The following GRIN2A variants were observed in gnomAD, a reference collection of about 807,000 sequenced individuals.
The protein encoded by GRIN2A is glutamate receptor ionotropic, NMDA 2A.
Under a neutral mutation model 113.4 loss-of-function variants are expected in GRIN2A, and 22 were observed. The observed-to-expected ratio is 0.19, with a 90% CI of 0.14 to 0.28. The LOEUF is 0.28. GRIN2A is among the 10% of genes least tolerant of loss of function. The pLI, the probability that GRIN2A is intolerant of heterozygous loss-of-function variation, is 1.00. For synonymous variants in GRIN2A, 827 were observed against 738.4 expected (o/e 1.12, Z -1.94); for missense variants, 1,502 against 1,887.0 (o/e 0.80, Z 3.78).
intron 4 of GRIN2A, among the ~76,000 whole-genome samples, chr16:9,856,164 G>A (rs2042963744): frequency 6.6e-6 from 1 of 152,162 alleles, no homozygotes; most frequent in South Asian, 2.1e-4. Context: ...GCATGATGAG[G>A]AAACCAGGGC....
At chr16:10,048,960 C>G (rs560939798) in intron 2 of GRIN2A, among the ~76,000 whole-genome samples, 1 of 152,318 alleles carries the variant, frequency 6.6e-6, no homozygotes, top group East Asian at 1.9e-4. Flanking sequence ...TCTCTGGCCC[C>G]AGCCCCTGCC....
chr16:9,817,057 T>C (rs2042199363), intron 10 of GRIN2A, among the ~76,000 whole-genome samples: 1 of 152,222 alleles, frequency 6.6e-6, no homozygotes, highest in South Asian at 2.1e-4. Flanking sequence ...CCATTTATTA[T>C]GAATTTCAAT....
At chr16:10,145,178 C>T (rs1416986242) in intron 2 of GRIN2A, among the ~76,000 whole-genome samples, 1 of 151,878 alleles carries the variant, frequency 6.6e-6, no homozygotes, top group Non-Finnish European at 1.5e-5. Context: ...GGGTTGGGGG[C>T]ATAGGGAAAT....
rs74573376 is a variant in GRIN2A, at chr16:10,059,958, T to C, written c.414+120040A>G. Among the ~76,000 whole-genome samples, 517 of 148,006 alleles carry C rather than the reference T, an allele frequency of 3.5e-3. 5 individuals are homozygous for C. The highest frequency in any genetic ancestry group is 0.012 in the African/African-American group (498 of 41,272). ...GGAAAAGAGGAAGCCATTAATATCC[T>C]AGGGATGGAGGAAAAGGGGGATGCA... On this transcript the variant is annotated intron_variant, in intron 2 of 12. Coordinates refer to ENST00000330684, the MANE Select transcript of GRIN2A (RefSeq NM_001134407.3).
chr16:9,994,104 G>T (rs3848326), intron 2 of GRIN2A, among the ~76,000 whole-genome samples: 3,641 of 152,210 alleles, frequency 0.024, 55 homozygotes, highest in Middle Eastern at 0.078. Flanking sequence ...TGGCACAAAC[G>T]CTCGGAAGTA....
chr16:10,181,482 G>C (rs2050271375), intron 1 of GRIN2A: 1 of 152,358 alleles, frequency 6.6e-6, no homozygotes, highest in African/African-American at 2.4e-5. Flanking sequence ...GCTTTTCTGC[G>C]CACTTCCTCA....
Position 9,756,352 on chromosome 16 carries a change from C to G in GRIN2A, c.*6797G>C, listed in dbSNP as rs1403000998. 4.3e-6 allele frequency: 1 copy of G among 230,160 alleles called. No homozygotes were observed. Among genetic ancestry groups the G allele is most frequent in the African/African-American group, 2.2e-5 (1 of 45,162 alleles). 14.3% of individuals were successfully genotyped at this position (230,160 alleles called of 1,614,324 possible). ...AACAGTGTTCAAGTCTCAGAAGGAA[C>G]TATGAACAGAGGTGAGATCCCCAGA... On this transcript the variant is annotated 3_prime_UTR_variant, in exon 13 of 13. Transcript: ENST00000330684.
At position 9,754,174 on chromosome 16, in the gene GRIN2A, A is replaced by T. The variant is rs1236238335; in HGVS notation, c.*8975T>A. Reference sequence around the variant, plus strand: ...AAATATATATACTATACATAAACATATACACATAAACATTCTGGGGTGATA... The same window carrying T: ...AAATATATATACTATACATAAACATTTACACATAAACATTCTGGGGTGATA... On this transcript the variant is annotated 3_prime_UTR_variant, in exon 13 of 13. Transcript: ENST00000330684. 5.3e-6 allele frequency: 1 copy of T among 187,056 alleles called. No individual in the cohort carries two copies. Among genetic ancestry groups the T allele is most frequent in the African/African-American group, 2.3e-5 (1 of 42,822 alleles). 11.6% of individuals were successfully genotyped at this position (187,056 alleles called of 1,614,324 possible). A position where few individuals can be genotyped will look rare whatever the true frequency, so the allele number is the denominator to read the frequency against.
intron 9 of GRIN2A, among the ~76,000 whole-genome samples, chr16:9,828,890 A>G (rs564269569): frequency 6.6e-6 from 1 of 152,340 alleles, no homozygotes; most frequent in Non-Finnish European, 1.5e-5. Flanking sequence ...TGTGCCTTGA[A>G]GACATTTCAG....
chr16:10,181,218 C>G (rs1394641766), intron 1 of GRIN2A, among the ~76,000 whole-genome samples: 1 of 107,110 alleles, frequency 9.3e-6, no homozygotes, highest in Non-Finnish European at 2.0e-5. Context: ...CACGCACACA[C>G]ACATGTTCAC....
chr16:10,024,141 A>G (rs2046775372), intron 2 of GRIN2A, among the ~76,000 whole-genome samples: 2 of 152,222 alleles, frequency 1.3e-5, no homozygotes, highest in South Asian at 2.1e-4. Flanking sequence ...TGAGGCTTCT[A>G]TCAGCTATCT....
chr16:10,054,407 G>C (rs2047410872), intron 2 of GRIN2A, among the ~76,000 whole-genome samples: 1 of 152,238 alleles, frequency 6.6e-6, no homozygotes, highest in Non-Finnish European at 1.5e-5. Flanking sequence ...AAGATTTAAA[G>C]AGATATAAGA....
At chr16:10,058,624 T>C (rs547594064) in intron 2 of GRIN2A, among the ~76,000 whole-genome samples, 2 of 152,348 alleles carry the variant, frequency 1.3e-5, no homozygotes, top group African/African-American at 4.8e-5. Context: ...TTGTTAGAGG[T>C]AAGTAAAAAT....
chr16:9,991,869 T>C (rs1481799665), intron 2 of GRIN2A, among the ~76,000 whole-genome samples: 4 of 151,650 alleles, frequency 2.6e-5, no homozygotes, highest in South Asian at 2.1e-4. Context: ...ATGGACACAG[T>C]GAGGGGAAGA....
rs2043048141 is a variant in GRIN2A at position 9,860,478 on chromosome 16, C to T, written c.1123-10517G>A. Among the ~76,000 whole-genome samples, 3 of 138,508 alleles carry T rather than the reference C, an allele frequency of 2.2e-5. No individual in the cohort carries two copies. In the South Asian group the frequency reaches 6.8e-4, roughly 32 times the overall value. The allele number at this position is 138,508 out of a possible 152,430, so 90.9% of individuals were successfully genotyped here. A position where few individuals can be genotyped will look rare whatever the true frequency, so the allele number is the denominator to read the frequency against. On this transcript the variant is annotated intron_variant, in intron 4 of 12. Transcript: ENST00000330684. ...AAAAAAAAAAAAAAAAAAGAAAGACCAAGGGAGTTAGTAGGTTGCCTGTTA... is the reference window on the plus strand; with the variant it reads ...AAAAAAAAAAAAAAAAAAGAAAGACTAAGGGAGTTAGTAGGTTGCCTGTTA...
chr16:9,967,291 G>C (rs1471304252), intron 2 of GRIN2A, among the ~76,000 whole-genome samples: 1 of 152,234 alleles, frequency 6.6e-6, no homozygotes, highest in Non-Finnish European at 1.5e-5. Context: ...ATGTCTTGCA[G>C]CAACTTAGAT....
intron 3 of GRIN2A, among the ~76,000 whole-genome samples, chr16:9,921,673 T>C (rs2141583240): frequency 6.6e-6 from 1 of 152,320 alleles, no homozygotes; most frequent in East Asian, 1.9e-4. Context: ...ATTTATTAAG[T>C]GTCTACACTA....
chr16:10,133,523 C>A (rs1337025761), intron 2 of GRIN2A, among the ~76,000 whole-genome samples: 2 of 151,448 alleles, frequency 1.3e-5, no homozygotes, highest in African/African-American at 4.9e-5. Flanking sequence ...ACGAGAAGCG[C>A]TTGAACCCGG....
In GRIN2A at chr16:9,757,886, A is replaced by G. The variant is rs1272728191; in HGVS notation, c.*5263T>C. On this transcript the variant is annotated 3_prime_UTR_variant, in exon 13 of 13. Coordinates refer to ENST00000330684, the MANE Select transcript of GRIN2A (RefSeq NM_001134407.3). The stretch of plus-strand genomic sequence containing the variant: ...GGGCAAGTGGCAAAAACAAAAAACA[A>G]AACAAAACAAAAACCAGGGCAGCCT... 1 of 226,108 alleles carries G rather than the reference A, an allele frequency of 4.4e-6. No homozygotes were observed. Among genetic ancestry groups the G allele is most frequent in the Non-Finnish European group, 8.8e-6 (1 of 113,514 alleles). The allele number at this position is 226,108 out of a possible 1,614,324, so 14.0% of individuals were successfully genotyped here.
Sources: allele counts gnomAD v4.1 joint callset (sites outside exome capture counted in the v4.1 genomes callset), GRCh38; gene constraint gnomAD v4.1.1; transcripts MANE v1.5; gene names NCBI Gene and HGNC (gene_info 2026-07-23, HGNC 2026-07-21).